The following RELN variants were observed in gnomAD, a reference collection of about 807,000 sequenced individuals.
RELN encodes reelin.
In RELN, 108 loss-of-function variants were observed where a neutral mutation model predicts 427.6. The observed-to-expected ratio is 0.25, with a 90% CI of 0.22 to 0.30. The LOEUF (loss-of-function observed/expected upper bound fraction) is 0.30, where lower values mean the gene tolerates loss of function less well. Among genes scored for constraint, RELN ranks in the 10% least tolerant of loss-of-function variants. The pLI, the probability that RELN is intolerant of heterozygous loss-of-function variation, is 1.00. For synonymous variants in RELN, 1,524 were observed against 1,513.4 expected (o/e 1.01, Z -0.16); for missense variants, 3,715 against 4,302.8 (o/e 0.86, Z 3.82).
At position 103,745,808 on chromosome 7, in the gene RELN, A is replaced by G. The variant is rs372710541; in HGVS notation, c.656+3618T>C. On this transcript the variant is annotated intron_variant, in intron 6 of 64. Transcript: ENST00000428762. ...AAGAACATTCCATGCTCATGGGTAG[A>G]AAGAATCAATATCGTGAAAATGGCC... 3.9e-5 allele frequency among the ~76,000 whole-genome samples: 6 copies of G among 152,194 alleles called. No homozygotes were observed. In the South Asian group the frequency reaches 8.3e-4, roughly 21 times the overall value.
intron 4 of RELN, among the ~76,000 whole-genome samples, chr7:103,775,155 T>C (rs530627165): frequency 6.6e-6 from 1 of 152,322 alleles, no homozygotes; most frequent in South Asian, 2.1e-4. Flanking sequence ...AGGATATTAA[T>C]GTTCACTGCT....
chr7:103,864,746 G>A (rs554368185), intron 2 of RELN, among the ~76,000 whole-genome samples: 1 of 151,418 alleles, frequency 6.6e-6, no homozygotes, highest in African/African-American at 2.4e-5. Flanking sequence ...AAAAACAATA[G>A]AAAAAAACAA....
At position 103,503,036 on chromosome 7, in the gene RELN, A is replaced by T; in HGVS notation, c.8469T>A (p.Leu2823=). 1 of 1,613,954 alleles carries T rather than the reference A, an allele frequency of 6.2e-7. No homozygotes were observed. Among genetic ancestry groups the T allele is most frequent in the Non-Finnish European group, 8.5e-7 (1 of 1,179,840 alleles). ...TKGWKRITYP[L]PESLVGNPVR... ...CTTACTTTCCCACTAAGCTTTCAGG[A>T]AGTGGGTAGGTGATCCTTTTCCACC... is the stretch of plus-strand genomic sequence containing the variant. The change falls in exon 52 of 65, where the codon CTT becomes CTA. Residue 2823 remains leucine, a synonymous_variant. Coordinates refer to ENST00000428762, the MANE Select transcript of RELN (RefSeq NM_005045.4).
chr7:103,938,516 G>A (rs975214252), intron 1 of RELN, among the ~76,000 whole-genome samples: 1 of 152,034 alleles, frequency 6.6e-6, no homozygotes, highest in Non-Finnish European at 1.5e-5. Flanking sequence ...CTCAAAAGGT[G>A]AAAAAATGAT....
intron 56 of RELN, 123 bp downstream of exon 56, chr7:103,496,403 T>C: frequency 7.5e-7 from 1 of 1,333,510 alleles, no homozygotes; most frequent in Admixed American, 1.7e-5. Flanking sequence ...ACAGCTAACA[T>C]TTGTTGAGCA....
chr7:103,481,290 T>C (rs1012022501), intron 63 of RELN, among the ~76,000 whole-genome samples: 1 of 152,156 alleles, frequency 6.6e-6, no homozygotes, highest in African/African-American at 2.4e-5. Flanking sequence ...ATGTGTGATA[T>C]GTTAAGAATT....
At chr7:103,480,507 G>A (rs1828195469) in intron 63 of RELN, among the ~76,000 whole-genome samples, 1 of 152,134 alleles carries the variant, frequency 6.6e-6, no homozygotes, top group African/African-American at 2.4e-5. Flanking sequence ...GGGTAGAGTG[G>A]TGTAGAAATG....
At position 103,759,154 on chromosome 7, in the gene RELN, T is replaced by G. The variant is rs1791233900; in HGVS notation, c.545-5940A>C. On this transcript the variant is annotated intron_variant, in intron 4 of 64. Transcript: ENST00000428762. ...TCTTTTTTAAAAAATTCAACTGTAC[T>G]ATTCTTGAAATGATTTACTAATCAC... 1.3e-5 allele frequency among the ~76,000 whole-genome samples: 2 copies of G among 152,142 alleles called. 1 individual carries two copies. The highest frequency in any genetic ancestry group is 1.3e-4 in the Admixed American group (2 of 15,276).
At chr7:103,526,914 C>T (rs1829834369) in intron 46 of RELN, among the ~76,000 whole-genome samples, 1 of 152,070 alleles carries the variant, frequency 6.6e-6, no homozygotes, top group Non-Finnish European at 1.5e-5. Context: ...AAAAATGGTC[C>T]CAGAGAAGAT....
chr7:103,915,969 G>A (rs185269140), intron 2 of RELN, among the ~76,000 whole-genome samples: 73 of 152,234 alleles, frequency 4.8e-4, no homozygotes, highest in African/African-American at 1.7e-3. Flanking sequence ...TTTCCCCTGA[G>A]GTTTGGACCT....
Position 103,644,961 on chromosome 7 carries a change from T to C in RELN, c.2003-4352A>G, listed in dbSNP as rs543391417. ...TAGAAACCTTATAAGCCAGAAGAGA[T>C]TGGGATCCTATTTTTAGGTTTCTAA... On this transcript the variant is annotated intron_variant, in intron 16 of 64. Coordinates refer to ENST00000428762, the MANE Select transcript of RELN (RefSeq NM_005045.4). 8.5e-4 allele frequency among the ~76,000 whole-genome samples: 129 copies of C among 151,826 alleles called. 1 individual carries two copies. Among genetic ancestry groups the C allele is most frequent in the Non-Finnish European group, 1.7e-3 (112 of 67,754 alleles).
intron 4 of RELN, among the ~76,000 whole-genome samples, chr7:103,773,769 C>T (rs1791667633): frequency 6.6e-6 from 1 of 152,044 alleles, no homozygotes; most frequent in African/African-American, 2.4e-5. Context: ...TGCGCGCGGC[C>T]TCCTCTCCTT....
chr7:103,553,682 G>A lies in RELN; in HGVS notation c.5947C>T (p.Pro1983Ser). ...TACGGTGCCCCCTTTGAAGAATATG[G>A]ACAATAAAGACCGATGTTACCACCA... ...YPGGNIGLYCPYSSKGAPEED... is the reference protein window; with the variant it reads ...YPGGNIGLYCSYSSKGAPEED... Residue 1983 changes from proline (P) to serine (S), a missense_variant, in exon 39 of 65, where the codon CCA becomes TCA. Transcript: ENST00000428762. The A allele has an allele frequency of 6.2e-7, 1 of 1,614,010 alleles. No individual in the cohort carries two copies.
intron 46 of RELN, among the ~76,000 whole-genome samples, chr7:103,532,937 A>C (rs941745235): frequency 1.3e-5 from 2 of 152,100 alleles, no homozygotes; most frequent in African/African-American, 4.8e-5. Flanking sequence ...TCTCCTACCA[A>C]ATTAAAAGCT....
Position 103,881,971 on chromosome 7 carries a change from C to G in RELN, c.337+35104G>C, listed in dbSNP as rs144655224. On this transcript the variant is annotated intron_variant, in intron 2 of 64. Coordinates refer to ENST00000428762, the MANE Select transcript of RELN (RefSeq NM_005045.4). ...AATGCATCCCCTGGTTCATGAAGTG[C>G]CAATGAATGAATGAATCAATCAATC... 3.0e-3 allele frequency among the ~76,000 whole-genome samples: 464 copies of G among 152,222 alleles called. 2 individuals are homozygous for G. The highest frequency in any genetic ancestry group is 0.011 in the African/African-American group (437 of 41,534).
chr7:103,821,797 A>C (rs1031696032), intron 3 of RELN, among the ~76,000 whole-genome samples: 2 of 132,554 alleles, frequency 1.5e-5, no homozygotes, highest in African/African-American at 5.1e-5. Context: ...TTTAATTAGA[A>C]GGCTTTTCAC....
At chr7:103,892,714 T>G (rs1252850773) in intron 2 of RELN, among the ~76,000 whole-genome samples, 1 of 152,198 alleles carries the variant, frequency 6.6e-6, no homozygotes, top group Non-Finnish European at 1.5e-5. Flanking sequence ...CATAAAACCC[T>G]TATTCAATAA....
At chr7:103,497,064 A>G (rs564817534) in intron 55 of RELN, among the ~76,000 whole-genome samples, 1 of 152,368 alleles carries the variant, frequency 6.6e-6, no homozygotes, top group East Asian at 1.9e-4. Flanking sequence ...CTCACAAATA[A>G]TGAGATACAC....
intron 6 of RELN, among the ~76,000 whole-genome samples, chr7:103,739,450 G>A (rs2237633): frequency 0.29 from 44,837 of 152,044 alleles, 7,507 homozygotes; most frequent in Non-Finnish European, 0.38. Context: ...CATCAGTAGT[G>A]CAGCCACATT....
Sources: allele counts gnomAD v4.1 joint callset (sites outside exome capture counted in the v4.1 genomes callset), GRCh38; gene constraint gnomAD v4.1.1; transcripts MANE v1.5; gene names NCBI Gene and HGNC (gene_info 2026-07-23, HGNC 2026-07-21).